Variants in TBCE observed in about 807,000 individuals in gnomAD.
TBCE encodes the protein tubulin folding cofactor E.
In TBCE, 53 loss-of-function variants were observed where a neutral mutation model predicts 77.0. That is an observed-to-expected ratio of 0.69 (90% CI 0.55 to 0.87). The LOEUF is 0.87. Ranked by LOEUF, TBCE falls within the 40% of genes least tolerant of loss-of-function variation. The pLI is 0.00. For missense variants in TBCE, 624 were observed against 622.4 expected, an observed-to-expected ratio of 1.00 and a Z score of -0.03; for synonymous variants, 235 against 241.3, an observed-to-expected ratio of 0.97 and a Z score of 0.24.
chr1:235,394,250 A>G (rs992430745), intron 2 of TBCE, among the ~76,000 whole-genome samples: 2 of 151,596 alleles, frequency 1.3e-5, no homozygotes, highest in Non-Finnish European at 2.9e-5. Context: ...ACTTTTTTGT[A>G]TATTTAGTAG....
Position 235,448,423 on chromosome 1 carries a change from T to G in TBCE, c.1474T>G (p.Ser492Ala), listed in dbSNP as rs1488758875. Residue 492 changes from serine (S) to alanine (A), a missense_variant, in exon 16 of 17, where the codon TCC becomes GCC. Ser to Ala is a moderately conservative substitution (Grantham distance 99). Transcript: ENST00000642610. The part of the protein sequence containing the change: ...LKVPVSDLLL[S>A]YESPKKPGRE... The stretch of plus-strand genomic sequence containing the variant: ...AGTTCCTGTGTCAGACCTTCTGTTG[T>G]CCTATGAAAGTCCCAAAGTAAGTTG... 2.5e-6 allele frequency: 4 copies of G among 1,614,116 alleles called. No homozygotes were observed. Among genetic ancestry groups the G allele is most frequent in the Non-Finnish European group, 3.4e-6 (4 of 1,180,004 alleles).
In TBCE at chr1:235,419,580, G is replaced by C. The variant is rs759387166; in HGVS notation, c.460+19G>C. The stretch of plus-strand genomic sequence containing the variant: ...TGTCCTAGTATCCTTTTCACCGAGA[G>C]CTTGTTATTGGAATCTGACTATGGA... On this transcript the variant is annotated intron_variant, in intron 5 of 16. Coordinates refer to ENST00000642610, the MANE Select transcript of TBCE (RefSeq NM_003193.5). The C allele has an allele frequency of 1.2e-6, 2 of 1,613,896 alleles. No individual in the cohort carries two copies. Among genetic ancestry groups the C allele is most frequent in the South Asian group, 2.2e-5 (2 of 90,998 alleles).
intron 4 of TBCE, among the ~76,000 whole-genome samples, chr1:235,417,364 T>C (rs1275640096): frequency 6.6e-6 from 1 of 152,230 alleles, no homozygotes; most frequent in Non-Finnish European, 1.5e-5. Context: ...TTTTCAATGA[T>C]GTCATAAGCC....
chr1:235,442,041 T>G (rs757292729), intron 14 of TBCE, among the ~76,000 whole-genome samples, 159 bp downstream of exon 14: 31 of 150,904 alleles, frequency 2.1e-4, no homozygotes, highest in Non-Finnish European at 4.0e-4. Context: ...AGAGTCTCCC[T>G]CTGTCTCCCA....
At chr1:235,439,848 C>G (rs1681724631) in intron 13 of TBCE, among the ~76,000 whole-genome samples, 1 of 152,128 alleles carries the variant, frequency 6.6e-6, no homozygotes, top group East Asian at 2.0e-4. Context: ...GTCACCCAGG[C>G]TGGAGTGCAG....
At chr1:235,406,065 A>C in intron 3 of TBCE, among the ~76,000 whole-genome samples, 1 of 152,236 alleles carries the variant, frequency 6.6e-6, no homozygotes, top group East Asian at 1.9e-4. Flanking sequence ...ATTGAAGTAC[A>C]TATTATCTTA....
At chr1:235,371,033 C>T (rs1452360987) in intron 1 of TBCE, among the ~76,000 whole-genome samples, 2 of 112,634 alleles carry the variant, frequency 1.8e-5, no homozygotes, top group Admixed American at 1.1e-4. Context: ...AGCTATCACG[C>T]CTGGCTTTTT....
chr1:235,433,191 T>A, intron 7 of TBCE: 1 of 1,310,520 alleles, frequency 7.6e-7, no homozygotes, highest in Non-Finnish European at 9.8e-7. Context: ...ATGATTCCAT[T>A]CTCTAATTGG....
chr1:235,437,583 A>G, intron 12 of TBCE, 109 bp downstream of exon 12: 1 of 1,331,496 alleles, frequency 7.5e-7, no homozygotes, highest in Non-Finnish European at 1.0e-6. Flanking sequence ...AGGCTGGGGC[A>G]GGCTGATCGC....
chr1:235,435,437 TAATC>T (rs139658987), intron 8 of TBCE, among the ~76,000 whole-genome samples: 8,267 of 152,226 alleles, frequency 0.054, 410 homozygotes, highest in African/African-American at 0.13. Context: ...TATTTTGAGA[TAATC>T]ATATATTCAC....
chr1:235,442,432 A>G (rs1449802590), intron 14 of TBCE, among the ~76,000 whole-genome samples: 1 of 152,210 alleles, frequency 6.6e-6, no homozygotes, highest in Non-Finnish European at 1.5e-5. Flanking sequence ...GGCCTCCCAA[A>G]GTGCTAGGAT....
In TBCE at chr1:235,385,585, G is replaced by C. The variant is rs371009718; in HGVS notation, c.100+5436G>C. Among the ~76,000 whole-genome samples the C allele has an allele frequency of 8.5e-4, 130 of 152,088 alleles. 2 individuals carry two copies. Among genetic ancestry groups the C allele is most frequent in the Non-Finnish European group, 1.6e-4 (11 of 67,980 alleles). ...ATCATTATGTAATGGCCTTCTTTGT[G>C]TCTTTTGATCTTTGTTGGTTTAAAG... On this transcript the variant is annotated intron_variant, in intron 2 of 16. Transcript: ENST00000642610.
At position 235,438,025 on chromosome 1, in the gene TBCE, A is replaced by T. The variant is rs7521549; in HGVS notation, c.1116+551A>T. 1.8e-3 allele frequency among the ~76,000 whole-genome samples: 267 copies of T among 152,152 alleles called. 2 individuals carry two copies. Among genetic ancestry groups the T allele is most frequent in the African/African-American group, 6.3e-3 (263 of 41,516 alleles). ...AGGCACCGTCTCCATGTTTTCAGGGAATGTAGGCAGAAAGAACACAGACCA... is the reference window on the plus strand; with the variant it reads ...AGGCACCGTCTCCATGTTTTCAGGGTATGTAGGCAGAAAGAACACAGACCA... On this transcript the variant is annotated intron_variant, in intron 12 of 16. Coordinates refer to ENST00000642610, the MANE Select transcript of TBCE (RefSeq NM_003193.5).
At chr1:235,400,659 C>CA (rs1209946881) in intron 2 of TBCE, among the ~76,000 whole-genome samples, 1 of 151,168 alleles carries the variant, frequency 6.6e-6, no homozygotes, top group Non-Finnish European at 1.5e-5. Context: ...CTCTGCCTCT[C>CA]AAAGTGCTGG....
intron 5 of TBCE, among the ~76,000 whole-genome samples, chr1:235,422,784 G>A (rs1291147335): frequency 3.9e-5 from 6 of 152,232 alleles, no homozygotes; most frequent in East Asian, 1.9e-4. Context: ...AGCCGAGATC[G>A]CGCCATTGCA....
At chr1:235,368,512 A>G (rs1021082830) in intron 1 of TBCE, among the ~76,000 whole-genome samples, 80 of 117,484 alleles carry the variant, frequency 6.8e-4, no homozygotes, top group African/African-American at 2.5e-3. Context: ...TGTAAACAGC[A>G]TATCTCTGGG....
chr1:235,369,647 C>G (rs1055288025), intron 1 of TBCE, among the ~76,000 whole-genome samples: 2 of 125,350 alleles, frequency 1.6e-5, no homozygotes, highest in African/African-American at 6.8e-5. Context: ...AGTGGCGAAA[C>G]CCCGTCTCTA....
chr1:235,437,320 A>G lies in TBCE; in HGVS notation c.964-2A>G. 6.2e-7 allele frequency: 1 copy of G among 1,613,954 alleles called. No homozygotes were observed. Reference sequence around the variant, plus strand: ...CATTTATTTCCTTTTGCTGTGTTTCAGTGGTCGTTTTTCAATGAGCTAGAG... The same window carrying G: ...CATTTATTTCCTTTTGCTGTGTTTCGGTGGTCGTTTTTCAATGAGCTAGAG... On this transcript the variant is annotated splice_acceptor_variant, in intron 11 of 16. Transcript: ENST00000642610. LOFTEE classifies it high-confidence loss of function.
At chr1:235,446,267 C>T (rs1682277351) in intron 15 of TBCE, among the ~76,000 whole-genome samples, 1 of 152,048 alleles carries the variant, frequency 6.6e-6, no homozygotes, top group Admixed American at 6.6e-5. Context: ...ACTCTGCCTT[C>T]CGGGTTCAAG....
Sources: allele counts gnomAD v4.1 joint callset (sites outside exome capture counted in the v4.1 genomes callset), GRCh38; gene constraint gnomAD v4.1.1; transcripts MANE v1.5; gene names NCBI Gene and HGNC (gene_info 2026-07-23, HGNC 2026-07-21).